Variants in HIPK1 observed in about 807,000 individuals in gnomAD.
HIPK1 encodes homeodomain-interacting protein kinase 1.
HIPK1 carries 28 observed loss-of-function variants against 117.1 expected under a neutral mutation model. The ratio of observed to expected loss-of-function variants is 0.24; its 90% CI spans 0.18 to 0.33. HIPK1 has a LOEUF of 0.33. HIPK1 is among the 10% of genes least tolerant of loss of function. The pLI is 1.00. For missense variants in HIPK1, 1,122 were observed against 1,475.1 expected, an observed-to-expected ratio of 0.76 and a Z score of 3.92; for synonymous variants, 605 against 562.5, an observed-to-expected ratio of 1.08 and a Z score of -1.07.
intron 1 of HIPK1, among the ~76,000 whole-genome samples, chr1:113,932,981 T>G (rs780099109): frequency 7.9e-5 from 12 of 152,268 alleles, no homozygotes; most frequent in Admixed American, 6.5e-5. Context: ...ATCTCTGCTT[T>G]GTTAATTTTA....
At chr1:113,936,936 T>A (rs183822580) in intron 1 of HIPK1, among the ~76,000 whole-genome samples, 1 of 152,332 alleles carries the variant, frequency 6.6e-6, no homozygotes, top group African/African-American at 2.4e-5. Context: ...GGAAAACAAA[T>A]TTAGAAAATT....
chr1:113,971,841 A>T lies in HIPK1; in HGVS notation c.3031A>T (p.Thr1011Ser), dbSNP rs1334886599. 1.3e-6 allele frequency: 2 copies of T among 1,599,064 alleles called. No homozygotes were observed. The highest frequency in any genetic ancestry group is 1.7e-6 in the Non-Finnish European group (2 of 1,175,372). The change falls in exon 15 of 16, where the codon ACT (threonine) becomes TCT (serine). Residue 1011 changes from threonine (T) to serine (S), a missense_variant. This residue lies in a region of HIPK1 where 731 missense variants were observed against 860.4 expected (regional missense o/e 0.85). Transcript: ENST00000426820. ...TTTTTTAGGTCTCCTGAGCAATAAG[A>T]CTAAGCCAGTCGCTTCAGTGAGTGG... Reference protein sequence around the residue: ...TQASGLLSNKTKPVASVSGQS... With the variant: ...TQASGLLSNKSKPVASVSGQS...
Position 113,970,329 on chromosome 1 carries a change from A to C in HIPK1, c.3013+132A>C, listed in dbSNP as rs1202808247. ...CATTCTTAAAGAGACCTTAATTCAG[A>C]AATCAGTTCCCTGCACAATGTGAAA... is the stretch of plus-strand genomic sequence containing the variant. On this transcript the variant is annotated intron_variant, in intron 14 of 15. Transcript: ENST00000426820. 3 of 914,742 alleles carry C rather than the reference A, an allele frequency of 3.3e-6. No homozygotes were observed. The African/African-American group carries it at 5.0e-5, about 15-fold the overall frequency. The allele number at this position is 914,742 out of a possible 1,614,324, so 56.7% of individuals were successfully genotyped here. A position where few individuals can be genotyped will look rare whatever the true frequency, so the allele number is the denominator to read the frequency against.
Position 113,977,055 on chromosome 1 carries a change from C to T in HIPK1, c.*3543C>T, listed in dbSNP as rs932577647. ...TTCTGAGCCTGCTTTTGTGATTGCTCATCCATTGTCCTCCACTAGAGGGGC... is the reference window on the plus strand; with the variant it reads ...TTCTGAGCCTGCTTTTGTGATTGCTTATCCATTGTCCTCCACTAGAGGGGC... On this transcript the variant is annotated 3_prime_UTR_variant, in exon 16 of 16. Coordinates refer to ENST00000426820, the MANE Select transcript of HIPK1 (RefSeq NM_198268.3). The T allele has an allele frequency of 1.3e-5, 2 of 152,726 alleles. No homozygotes were observed. Among genetic ancestry groups the T allele is most frequent in the Non-Finnish European group, 2.9e-5 (2 of 68,024 alleles). The allele number at this position is 152,726 out of a possible 1,614,324, so 9.5% of individuals were successfully genotyped here. A position where few individuals can be genotyped will look rare whatever the true frequency, so the allele number is the denominator to read the frequency against.
chr1:113,973,674 C>A lies in HIPK1; in HGVS notation c.*162C>A. The A allele has an allele frequency of 1.4e-6, 1 of 724,198 alleles. No homozygotes were observed. The highest frequency in any genetic ancestry group is 2.1e-6 in the Non-Finnish European group (1 of 465,416). 44.9% of individuals were successfully genotyped at this position (724,198 alleles called of 1,614,324 possible). ...GCAGAAGGTTTTTCTCTGGGGGAAC[C>A]TGTCTCAGTGTTGACTGCATTGTTG... On this transcript the variant is annotated 3_prime_UTR_variant, in exon 16 of 16. Coordinates refer to ENST00000426820, the MANE Select transcript of HIPK1 (RefSeq NM_198268.3).
In HIPK1 at chr1:113,970,208, T is replaced by A; in HGVS notation, c.3013+11T>A. On this transcript the variant is annotated intron_variant, in intron 14 of 15. Coordinates refer to ENST00000426820, the MANE Select transcript of HIPK1 (RefSeq NM_198268.3). ...CAACCCAGGCCTCAGGTCAGTGTTA[T>A]CTTCACAGCTTGAGTTGAATTCTCC... is the stretch of plus-strand genomic sequence containing the variant. The A allele has an allele frequency of 1.9e-6, 3 of 1,613,224 alleles. No homozygotes were observed. Among genetic ancestry groups the A allele is most frequent in the Non-Finnish European group, 2.5e-6 (3 of 1,179,162 alleles).
intron 2 of HIPK1, among the ~76,000 whole-genome samples, chr1:113,947,988 G>A (rs957664009): frequency 6.6e-6 from 1 of 152,150 alleles, no homozygotes; most frequent in Admixed American, 6.5e-5. Flanking sequence ...ACACAAATGA[G>A]GTAGAACCAG....
At chr1:113,966,313 A>G (rs780647242) in intron 11 of HIPK1, 41 bp downstream of exon 11, 1 of 1,586,008 alleles carries the variant, frequency 6.3e-7, no homozygotes, top group South Asian at 1.1e-5. Context: ...GTAAGGGCCG[A>G]TCCCATAGGG....
In HIPK1 at chr1:113,940,468, T is replaced by C; in HGVS notation, c.85T>C (p.Ser29Pro). The change falls in exon 2 of 16, where the codon TCT (serine) becomes CCT (proline). Residue 29 changes from serine to proline, a missense_variant. By Grantham distance (74) the Ser-to-Pro change is moderately conservative. Transcript: ENST00000426820. ...CSAKKLKIEP[S>P]GWDVSGQSSN... The stretch of plus-strand genomic sequence containing the variant: ...TGCGAAGAAACTGAAAATAGAGCCC[T>C]CTGGCTGGGATGTTTCAGGACAGAG... 6.2e-7 allele frequency: 1 copy of C among 1,614,176 alleles called. No individual in the cohort carries two copies. Among genetic ancestry groups the C allele is most frequent in the Non-Finnish European group, 8.5e-7 (1 of 1,180,030 alleles).
chr1:113,956,769 T>A lies in HIPK1; in HGVS notation c.1550T>A (p.Phe517Tyr). The change falls in exon 6 of 16, where the codon TTT (phenylalanine) becomes TAT (tyrosine). Residue 517 changes from phenylalanine (F) to tyrosine (Y), a missense_variant. Physicochemically the swap from Phe to Tyr is conservative, Grantham distance 22. This residue lies in a region of HIPK1 where 731 missense variants were observed against 860.4 expected (regional missense o/e 0.85). Coordinates refer to ENST00000426820, the MANE Select transcript of HIPK1 (RefSeq NM_198268.3). Reference sequence around the variant, plus strand: ...CCTCTAAAAACTCTTAACCATCAGTTTGTGACAATGACTCACCTTTTGGAT... The same window carrying A: ...CCTCTAAAAACTCTTAACCATCAGTATGTGACAATGACTCACCTTTTGGAT... ...ITPLKTLNHQ[F>Y]VTMTHLLDFP... is the part of the protein sequence containing the mutation. The A allele has an allele frequency of 6.2e-7, 1 of 1,614,142 alleles. No homozygotes were observed. Among genetic ancestry groups the A allele is most frequent in the Non-Finnish European group, 8.5e-7 (1 of 1,179,988 alleles).
At chr1:113,933,249 G>C in intron 1 of HIPK1, 1 of 956,560 alleles carries the variant, frequency 1.0e-6, no homozygotes, top group Non-Finnish European at 1.2e-6. Context: ...GTAAAAGTTA[G>C]GAAAAGAAAA....
Position 113,963,560 on chromosome 1 carries a change from C to T in HIPK1, c.2238+39C>T, listed in dbSNP as rs776041626. The stretch of plus-strand genomic sequence containing the variant: ...CTTGATTGTGTTACTAACGGAGTTT[C>T]TTTGGTTTCTTTCTTTTTTGTTTTT... On this transcript the variant is annotated intron_variant, in intron 10 of 15. Coordinates refer to ENST00000426820, the MANE Select transcript of HIPK1 (RefSeq NM_198268.3). The T allele has an allele frequency of 1.4e-5, 21 of 1,554,056 alleles. No homozygotes were observed. The African/African-American group carries it at 2.6e-4, about 20-fold the overall frequency.
intron 2 of HIPK1, among the ~76,000 whole-genome samples, chr1:113,942,640 C>G (rs551007778): frequency 6.6e-6 from 1 of 152,228 alleles, no homozygotes; most frequent in South Asian, 2.1e-4. Context: ...GTACCTTATA[C>G]TTTAATGATA....
intron 4 of HIPK1, 125 bp from the exon 5 acceptor site, chr1:113,955,438 T>C (rs1157022072): frequency 3.1e-6 from 2 of 645,088 alleles, no homozygotes; most frequent in African/African-American, 1.8e-5. Flanking sequence ...TGAATTACTT[T>C]CATGTTTGCC....
chr1:113,935,965 T>TGCAA (rs1670221105), intron 1 of HIPK1, among the ~76,000 whole-genome samples: 1 of 152,212 alleles, frequency 6.6e-6, no homozygotes, highest in South Asian at 2.1e-4. Flanking sequence ...GCTCTCCACC[T>TGCAA]AGGAAGAGAA....
At chr1:113,967,218 T>G (rs2101465856) in intron 11 of HIPK1, among the ~76,000 whole-genome samples, 1 of 152,360 alleles carries the variant, frequency 6.6e-6, no homozygotes, top group South Asian at 2.1e-4. Flanking sequence ...TATACTGATT[T>G]CCTTTCTTTT....
chr1:113,963,472 G>A lies in HIPK1; in HGVS notation c.2189G>A (p.Ser730Asn). 6.2e-7 allele frequency: 1 copy of A among 1,614,234 alleles called. No individual in the cohort carries two copies. Among genetic ancestry groups the A allele is most frequent in the Non-Finnish European group, 8.5e-7 (1 of 1,180,034 alleles). The change falls in exon 10 of 16, where the codon AGC becomes AAC. Residue 730 changes from serine (S) to asparagine (N), a missense_variant. Transcript: ENST00000426820. ...TPQYAVPFTLSCAAGRPALVE... is the reference protein window; with the variant it reads ...TPQYAVPFTLNCAAGRPALVE... ...CAGTATGCGGTGCCCTTTACTCTGA[G>A]CTGCGCAGCCGGCCGGCCGGCGCTG...
intron 13 of HIPK1, 54 bp from the exon 14 acceptor site, chr1:113,969,902 G>GTC: frequency 6.2e-7 from 1 of 1,600,918 alleles, no homozygotes; most frequent in Non-Finnish European, 8.5e-7. Flanking sequence ...ACAAGACGCT[G>GTC]TCACACACAC....
At chr1:113,946,940 C>G (rs905056541) in intron 2 of HIPK1, among the ~76,000 whole-genome samples, 7 of 152,222 alleles carry the variant, frequency 4.6e-5, no homozygotes, top group African/African-American at 1.7e-4. Context: ...CAGTGGTCCT[C>G]TTAAGCTTCT....
Sources: allele counts gnomAD v4.1 joint callset (sites outside exome capture counted in the v4.1 genomes callset), GRCh38; gene constraint gnomAD v4.1.1; regional missense constraint gnomAD v4.1.1; transcripts MANE v1.5; gene names NCBI Gene and HGNC (gene_info 2026-07-23, HGNC 2026-07-21).